The following SAMD12 variants were observed in gnomAD, a reference collection of about 807,000 sequenced individuals.
SAMD12 encodes the protein sterile alpha motif domain containing 12, also known as sterile alpha motif domain-containing protein 12.
SAMD12 carries 9 observed loss-of-function variants against 15.0 expected under a neutral mutation model. The observed-to-expected ratio is 0.60, with a 90% confidence interval of 0.36 to 1.05. The LOEUF is 1.05. SAMD12 is among the 50% of genes least tolerant of loss of function. The pLI, the probability that SAMD12 is intolerant of heterozygous loss-of-function variation, is 0.01. For synonymous variants in SAMD12, 86 were observed against 90.1 expected (o/e 0.96, Z 0.25); for missense variants, 230 against 234.2 (o/e 0.98, Z 0.12).
chr8:118,592,603 A>G (rs550192264), intron 1 of SAMD12, among the ~76,000 whole-genome samples: 26 of 152,360 alleles, frequency 1.7e-4, no homozygotes, highest in African/African-American at 6.3e-4. Flanking sequence ...AGAAAGTGGT[A>G]CATAGAAAGT....
chr8:118,211,526 T>G (rs895462243), intron 4 of SAMD12, among the ~76,000 whole-genome samples: 1 of 152,234 alleles, frequency 6.6e-6, no homozygotes, highest in African/African-American at 2.4e-5. Context: ...GAATGTTTAA[T>G]GTCCTGCTTT....
intron 4 of SAMD12, among the ~76,000 whole-genome samples, chr8:118,345,425 A>T (rs188354763): frequency 6.6e-6 from 1 of 152,322 alleles, no homozygotes; most frequent in East Asian, 1.9e-4. Context: ...GCGCTAAGGT[A>T]TATGGTAGAG....
chr8:118,459,344 A>G (rs932739650), intron 2 of SAMD12, among the ~76,000 whole-genome samples: 1 of 152,100 alleles, frequency 6.6e-6, no homozygotes. Flanking sequence ...GGGATTACAG[A>G]TGTGAGCCAC....
At chr8:118,330,286 G>C (rs895608215) in intron 4 of SAMD12, among the ~76,000 whole-genome samples, 1 of 152,142 alleles carries the variant, frequency 6.6e-6, no homozygotes, top group African/African-American at 2.4e-5. Context: ...GTAGAAAAAC[G>C]TGAAGGCAAA....
Position 118,283,887 on chromosome 8 carries a change from G to A in SAMD12, c.434-86155C>T, listed in dbSNP as rs139326699. ...TAGGAGTTTCATTCAGAAACTTCAC[G>A]TATTACAGCATGTTCCCATTCAAAA... On this transcript the variant is annotated intron_variant, in intron 4 of 4. Coordinates refer to the SAMD12 transcript ENST00000409003. Among the ~76,000 whole-genome samples, 18 of 152,260 alleles carry A rather than the reference G, an allele frequency of 1.2e-4. No individual in the cohort carries two copies. The East Asian group carries it at 1.5e-3, about 13-fold the overall frequency.
chr8:118,423,870 G>C (rs1015921185), intron 3 of SAMD12, among the ~76,000 whole-genome samples: 1 of 151,996 alleles, frequency 6.6e-6, no homozygotes, highest in African/African-American at 2.4e-5. Flanking sequence ...ATACTTCCTC[G>C]ATTGCCTGGC....
chr8:118,440,507 T>C (rs564921743), intron 2 of SAMD12, among the ~76,000 whole-genome samples: 1 of 152,216 alleles, frequency 6.6e-6, no homozygotes, highest in East Asian at 1.9e-4. Flanking sequence ...GACCATTAGT[T>C]ATACCAAAGT....
At chr8:118,178,075 A>G in the SAMD12 span, among the ~76,000 whole-genome samples, 10 of 152,236 alleles carry the variant, frequency 6.6e-5, no homozygotes, top group Non-Finnish European at 1.2e-4. Flanking sequence ...CTATCCAGGT[A>G]TATTTGGGTA....
chr8:118,316,214 C>A (rs79953772), intron 4 of SAMD12, among the ~76,000 whole-genome samples: 1 of 151,938 alleles, frequency 6.6e-6, no homozygotes, highest in Non-Finnish European at 1.5e-5. Flanking sequence ...ATTATCTTGA[C>A]CCTCAGCCAT....
intron 1 of SAMD12, among the ~76,000 whole-genome samples, chr8:118,602,052 C>A (rs765311011): frequency 2.6e-5 from 4 of 152,144 alleles, no homozygotes; most frequent in African/African-American, 4.8e-5. Context: ...TAGTTCTGTA[C>A]CCCACAAAGT....
At chr8:118,359,410 T>C (rs1330894241) in intron 4 of SAMD12, among the ~76,000 whole-genome samples, 1 of 152,180 alleles carries the variant, frequency 6.6e-6, no homozygotes, top group South Asian at 2.1e-4. Context: ...TAGTTTGCTA[T>C]GGCAGCCCCA....
intron 2 of SAMD12, among the ~76,000 whole-genome samples, chr8:118,549,176 T>A (rs996925495): frequency 6.6e-6 from 1 of 152,196 alleles, no homozygotes; most frequent in Non-Finnish European, 1.5e-5. Flanking sequence ...AAGAGAGCAG[T>A]GGTTCTCCCA....
chr8:118,320,422 C>T (rs1816169906), intron 4 of SAMD12, among the ~76,000 whole-genome samples: 1 of 152,070 alleles, frequency 6.6e-6, no homozygotes, highest in African/African-American at 2.4e-5. Context: ...GTCTGTTGAA[C>T]CCTCTGGGTC....
chr8:118,329,052 T>C (rs142608874), intron 4 of SAMD12, among the ~76,000 whole-genome samples: 54 of 152,270 alleles, frequency 3.5e-4, no homozygotes, highest in African/African-American at 1.3e-3. Context: ...AGGAAAAACA[T>C]GTACGTCACC....
chr8:118,202,172 T>TAGTAAAG (rs1184220852), intron 4 of SAMD12, among the ~76,000 whole-genome samples: 3 of 152,082 alleles, frequency 2.0e-5, no homozygotes, highest in Non-Finnish European at 4.4e-5. Context: ...GTTTAGTAAA[T>TAGTAAAG]AACTAAGTGA....
intron 4 of SAMD12, among the ~76,000 whole-genome samples, chr8:118,245,467 G>A (rs1334495455): frequency 6.6e-6 from 1 of 152,118 alleles, no homozygotes; most frequent in African/African-American, 2.4e-5. Context: ...TTCATTTTAT[G>A]TAACTCTTAT....
At chr8:118,444,476 A>T (rs1230843595) in intron 2 of SAMD12, among the ~76,000 whole-genome samples, 1 of 152,050 alleles carries the variant, frequency 6.6e-6, no homozygotes, top group African/African-American at 2.4e-5. Context: ...TTTCTGTTTT[A>T]CAGGAAGAAC....
At chr8:118,605,999 T>G (rs1827978527) in intron 1 of SAMD12, among the ~76,000 whole-genome samples, 1 of 151,982 alleles carries the variant, frequency 6.6e-6, no homozygotes, top group African/African-American at 2.4e-5. Context: ...TACAAAAGAC[T>G]TTCATGCCCA....
intron 2 of SAMD12, among the ~76,000 whole-genome samples, chr8:118,502,250 T>C (rs189933088): frequency 6.6e-6 from 1 of 152,204 alleles, no homozygotes; most frequent in African/African-American, 2.4e-5. Context: ...AGGTTCAATA[T>C]ATAAATAGAA....
Sources: allele counts gnomAD v4.1 joint callset (sites outside exome capture counted in the v4.1 genomes callset), GRCh38; gene constraint gnomAD v4.1.1; transcripts MANE v1.5; gene names NCBI Gene and HGNC (gene_info 2026-07-23, HGNC 2026-07-21).